The following TCP11L2 variants were observed in gnomAD, a reference collection of about 807,000 sequenced individuals.
The protein encoded by TCP11L2 is T-complex protein 11-like protein 2.
A neutral mutation model predicts 50.7 loss-of-function variants in TCP11L2; 39 were observed. That is an observed-to-expected ratio of 0.77 (90% CI 0.60 to 1.01). The LOEUF is 1.01. TCP11L2 is among the 50% of genes least tolerant of loss of function. The pLI, the probability that TCP11L2 is intolerant of heterozygous loss-of-function variation, is 0.00. For missense variants in TCP11L2, 612 were observed against 614.7 expected (o/e 1.00, Z 0.05); for synonymous variants, 192 against 219.3 (o/e 0.88, Z 1.10).
intron 8 of TCP11L2, among the ~76,000 whole-genome samples, chr12:106,338,781 G>T (rs1330476043): frequency 6.6e-6 from 1 of 152,176 alleles, no homozygotes; most frequent in Non-Finnish European, 1.5e-5. Context: ...ATTCCCACCA[G>T]CAGTGTATAA....
At chr12:106,301,508 CTG>C (rs2136566582), upstream of TCP11L2, among the ~76,000 whole-genome samples, 1 of 152,356 alleles carries the variant, frequency 6.6e-6, no homozygotes, top group African/African-American at 2.4e-5. Context: ...ATAGAGGAGT[CTG>C]TGTTGTAACC....
intron 9 of TCP11L2, among the ~76,000 whole-genome samples, chr12:106,344,270 CT>C (rs1320851420): frequency 5.9e-5 from 9 of 152,130 alleles, no homozygotes; most frequent in African/African-American, 2.2e-4. Context: ...TTTATAGACT[CT>C]TTTCAGTCCA....
At chr12:106,316,090 T>C (rs752772106) in intron 3 of TCP11L2, among the ~76,000 whole-genome samples, 1 of 115,338 alleles carries the variant, frequency 8.7e-6, no homozygotes, top group African/African-American at 4.0e-5. Flanking sequence ...CGTGGGTGTA[T>C]CTGTTTGGTT....
chr12:106,300,234 ACTGT>A (rs376317421), upstream of TCP11L2, among the ~76,000 whole-genome samples: 41 of 152,030 alleles, frequency 2.7e-4, no homozygotes, highest in East Asian at 7.2e-3. Context: ...TTGTGTTATG[ACTGT>A]CTGAGCCCTC....
intron 8 of TCP11L2, among the ~76,000 whole-genome samples, chr12:106,336,733 A>G (rs1240879955): frequency 6.6e-6 from 1 of 152,030 alleles, no homozygotes; most frequent in Non-Finnish European, 1.5e-5. Flanking sequence ...TTGTATTTTT[A>G]GTAGAGACCG....
At chr12:106,329,016 A>G (rs901970959) in intron 6 of TCP11L2, among the ~76,000 whole-genome samples, 5 of 152,150 alleles carry the variant, frequency 3.3e-5, no homozygotes, top group African/African-American at 9.7e-5. Context: ...ATGGAACCAG[A>G]GGAAATGGTT....
intron 6 of TCP11L2, among the ~76,000 whole-genome samples, chr12:106,328,317 G>A (rs189517247): frequency 2.5e-4 from 38 of 152,336 alleles, no homozygotes; most frequent in South Asian, 6.2e-4. Flanking sequence ...AGGCCAAGGC[G>A]GGCAGATCAT....
At chr12:106,303,492 T>C (rs757692347) in intron 1 of TCP11L2, 5 of 152,356 alleles carry the variant, frequency 3.3e-5, no homozygotes, top group Non-Finnish European at 5.9e-5. Context: ...CCAGAGGACG[T>C]GGGTGAGGTC....
At position 106,311,023 on chromosome 12, in the gene TCP11L2, G is replaced by T. The variant is rs2034832209; in HGVS notation, c.-35-18G>T. 1.9e-6 allele frequency: 3 copies of T among 1,590,088 alleles called. No individual in the cohort carries two copies. Among genetic ancestry groups the T allele is most frequent in the Non-Finnish European group, 2.6e-6 (3 of 1,165,352 alleles). ...AAGTACCACAGAACATTGACGCAGG[G>T]TCTGTTTGTCTGTGCAGGTGCTACC... On this transcript the variant is annotated intron_variant, in intron 1 of 9. Coordinates refer to ENST00000299045, the MANE Select transcript of TCP11L2 (RefSeq NM_152772.3).
At chr12:106,299,790 C>G (rs1488335421), upstream of TCP11L2, among the ~76,000 whole-genome samples, 1 of 152,200 alleles carries the variant, frequency 6.6e-6, no homozygotes, top group African/African-American at 2.4e-5. Flanking sequence ...ATTTGCATTA[C>G]ATTAAATCAG....
intron 3 of TCP11L2, among the ~76,000 whole-genome samples, chr12:106,314,918 T>C (rs962601512): frequency 8.0e-5 from 12 of 150,116 alleles, no homozygotes; most frequent in African/African-American, 3.0e-4. Flanking sequence ...GTCAAGAAGA[T>C]CATTTGAGCC....
intron 1 of TCP11L2, among the ~76,000 whole-genome samples, chr12:106,307,834 C>A (rs547656061): frequency 6.6e-6 from 1 of 152,112 alleles, no homozygotes; most frequent in Non-Finnish European, 1.5e-5. Flanking sequence ...CAAAAAAAAG[C>A]AAATAATAGA....
upstream of TCP11L2, among the ~76,000 whole-genome samples, chr12:106,302,408 G>GCCCCCGCTCAGC (rs2034448938): frequency 2.2e-5 from 1 of 45,024 alleles, no homozygotes; most frequent in Non-Finnish European, 4.3e-5. Context: ...CCCCCGCTCA[G>GCCCCCGCTCAGC]CCCCCGCTCC....
rs902267718 is a variant in TCP11L2, at chr12:106,346,728, A to C, written c.*198A>C. 1.5e-5 allele frequency: 8 copies of C among 521,384 alleles called. No homozygotes were observed. The highest frequency in any genetic ancestry group is 2.2e-5 in the Non-Finnish European group (7 of 313,542). The allele number at this position is 521,384 out of a possible 1,614,324, so 32.3% of individuals were successfully genotyped here. ...CTCAGAAGACGTAAACATCACATAG[A>C]CCCTATTTGTGCATCATTTTCAAGT... is the stretch of plus-strand genomic sequence containing the variant. On this transcript the variant is annotated 3_prime_UTR_variant, in exon 10 of 10. Transcript: ENST00000299045.
chr12:106,334,757 A>G (rs1189563764), intron 6 of TCP11L2, among the ~76,000 whole-genome samples: 4 of 152,152 alleles, frequency 2.6e-5, no homozygotes, highest in African/African-American at 7.2e-5. Flanking sequence ...CCTGGCCAAC[A>G]TGGTGAAACC....
At chr12:106,330,082 G>A (rs1477307854) in intron 6 of TCP11L2, 1 of 985,390 alleles carries the variant, frequency 1.0e-6, no homozygotes, top group East Asian at 1.1e-4. Flanking sequence ...AATTGTATAA[G>A]AACTGTGGTA....
At chr12:106,307,642 G>A (rs2034684691) in intron 1 of TCP11L2, among the ~76,000 whole-genome samples, 1 of 152,164 alleles carries the variant, frequency 6.6e-6, no homozygotes, top group Non-Finnish European at 1.5e-5. Context: ...GAAGGAACTT[G>A]CGGAAGACCA....
At position 106,320,718 on chromosome 12, in the gene TCP11L2, G is replaced by A. The variant is rs184004035; in HGVS notation, c.415-768G>A. On this transcript the variant is annotated intron_variant, in intron 4 of 9. Transcript: ENST00000299045. The stretch of plus-strand genomic sequence containing the variant: ...AACTAGAGTAAGCAAGCTGGAAAAC[G>A]AATGAATACAAATTATTGTAACATA... Among the ~76,000 whole-genome samples, 848 of 152,268 alleles carry A rather than the reference G, an allele frequency of 5.6e-3. 3 individuals carry two copies. Among genetic ancestry groups the A allele is most frequent in the South Asian group, 0.03 (143 of 4,818 alleles).
At chr12:106,322,574 G>T (rs1000902312) in intron 5 of TCP11L2, among the ~76,000 whole-genome samples, 1 of 152,198 alleles carries the variant, frequency 6.6e-6, no homozygotes. Flanking sequence ...CTACATAGAC[G>T]ATAACTTCCT....
Sources: allele counts gnomAD v4.1 joint callset (sites outside exome capture counted in the v4.1 genomes callset), GRCh38; gene constraint gnomAD v4.1.1; transcripts MANE v1.5; gene names NCBI Gene and HGNC (gene_info 2026-07-23, HGNC 2026-07-21).